The following KCNAB1 variants were observed in gnomAD, a reference collection of about 807,000 sequenced individuals.
The protein encoded by KCNAB1 is potassium voltage-gated channel subfamily A regulatory beta subunit 1.
A neutral mutation model predicts 64.6 loss-of-function variants in KCNAB1; 35 were observed. That is an observed-to-expected ratio of 0.54 (90% CI 0.41 to 0.72). The LOEUF (loss-of-function observed/expected upper bound fraction) is 0.72. KCNAB1 is among the 30% of genes least tolerant of loss of function. The pLI is 0.00. For synonymous variants in KCNAB1, 177 were observed against 183.8 expected (o/e 0.96, Z 0.30); for missense variants, 401 against 512.9 (o/e 0.78, Z 2.11).
intron 1 of KCNAB1, among the ~76,000 whole-genome samples, chr3:156,242,307 C>G (rs562745779): frequency 6.6e-6 from 1 of 151,974 alleles, no homozygotes; most frequent in South Asian, 2.1e-4. Flanking sequence ...TTTTTTATTT[C>G]CCTAAGTTTT....
intron 1 of KCNAB1, among the ~76,000 whole-genome samples, chr3:156,161,772 T>A (rs1235662052): frequency 6.6e-6 from 1 of 152,222 alleles, no homozygotes; most frequent in African/African-American, 2.4e-5. Flanking sequence ...TACAAAATAC[T>A]TAAGTATGTG....
intron 1 of KCNAB1, among the ~76,000 whole-genome samples, chr3:156,286,057 T>C (rs1476074251): frequency 1.3e-5 from 2 of 152,358 alleles, no homozygotes; most frequent in African/African-American, 4.8e-5. Context: ...TCAGAGTTTC[T>C]CAGTGGAGGT....
At chr3:156,285,794 C>T (rs964622451) in intron 1 of KCNAB1, among the ~76,000 whole-genome samples, 10 of 152,190 alleles carry the variant, frequency 6.6e-5, no homozygotes, top group East Asian at 1.9e-4. Flanking sequence ...TATGAGCCAC[C>T]GCACCCGGTC....
chr3:156,338,242 A>G (rs1723848380), intron 1 of KCNAB1, among the ~76,000 whole-genome samples: 1 of 147,442 alleles, frequency 6.8e-6, no homozygotes, highest in Admixed American at 7.0e-5. Flanking sequence ...TTTTAGGTTG[A>G]AAACAGTGGC....
At chr3:156,373,325 G>A (rs1726443912) in intron 1 of KCNAB1, among the ~76,000 whole-genome samples, 1 of 152,196 alleles carries the variant, frequency 6.6e-6, no homozygotes, top group African/African-American at 2.4e-5. Context: ...CAGGGTATAT[G>A]AAATCTAGAC....
chr3:156,194,390 T>C (rs533451974), intron 1 of KCNAB1, among the ~76,000 whole-genome samples: 4 of 152,278 alleles, frequency 2.6e-5, no homozygotes, highest in Admixed American at 2.6e-4. Flanking sequence ...TTCCTTTTGG[T>C]ACTTCCACTA....
chr3:156,477,923 C>T (rs1352609999), intron 8 of KCNAB1, among the ~76,000 whole-genome samples: 1 of 152,096 alleles, frequency 6.6e-6, no homozygotes, highest in Non-Finnish European at 1.5e-5. Context: ...TTTTGTAACT[C>T]ATACAGTGTG....
At chr3:156,278,333 T>C (rs1252560459) in intron 1 of KCNAB1, among the ~76,000 whole-genome samples, 2 of 152,310 alleles carry the variant, frequency 1.3e-5, no homozygotes, top group East Asian at 3.9e-4. Context: ...TGTGGGAAGC[T>C]CCTCCAGAGT....
At chr3:156,515,018 A>T (rs1353296384) in intron 9 of KCNAB1, 82 bp from the exon 10 acceptor site, 6 of 1,381,266 alleles carry the variant, frequency 4.3e-6, no homozygotes, top group Non-Finnish European at 5.8e-6. Flanking sequence ...TCACCAAAGT[A>T]AACATTTCTC....
At chr3:156,445,994 A>T (rs1711518324) in intron 2 of KCNAB1, 4 of 152,228 alleles carry the variant, frequency 2.6e-5, no homozygotes, top group Non-Finnish European at 2.9e-5. Context: ...AAGAGAACCT[A>T]AAAAATTCTA....
rs564506846 is a variant in KCNAB1, at chr3:156,345,130, T to C, written c.276-76486T>C. ...TCAAGAGGCTTCGTAATTTCCCTTT[T>C]CCTAGTGACAAAGGTGAAAAACTGA... On this transcript the variant is annotated intron_variant, in intron 1 of 13. Coordinates refer to ENST00000490337, the MANE Select transcript of KCNAB1 (RefSeq NM_172160.3). Among the ~76,000 whole-genome samples the C allele has an allele frequency of 2.0e-5, 3 of 152,350 alleles. No homozygotes were observed. The East Asian group carries it at 5.8e-4, about 29-fold the overall frequency.
chr3:156,502,146 A>G (rs1716488606), intron 8 of KCNAB1, among the ~76,000 whole-genome samples: 1 of 152,108 alleles, frequency 6.6e-6, no homozygotes, highest in Non-Finnish European at 1.5e-5. Context: ...TCCAACCAAA[A>G]TCCTTCCAAG....
chr3:156,509,240 T>A (rs1717024266), intron 8 of KCNAB1, among the ~76,000 whole-genome samples: 1 of 152,228 alleles, frequency 6.6e-6, no homozygotes, highest in East Asian at 1.9e-4. Flanking sequence ...TCCATTGAAA[T>A]GGCTTACTTG....
At chr3:156,486,666 G>A (rs1425809269) in intron 8 of KCNAB1, among the ~76,000 whole-genome samples, 1 of 152,094 alleles carries the variant, frequency 6.6e-6, no homozygotes, top group African/African-American at 2.4e-5. Context: ...TCCTGTGTGG[G>A]GTCTTCTTGA....
In KCNAB1 at chr3:156,271,856, T is replaced by C. The variant is rs193048135; in HGVS notation, c.276-149760T>C. On this transcript the variant is annotated intron_variant, in intron 1 of 13. Coordinates refer to ENST00000490337, the MANE Select transcript of KCNAB1 (RefSeq NM_172160.3). Reference sequence around the variant, plus strand: ...TTCTTGGGAAGGCTTTCCAGGTATTTAAAGAGTCTTAGGTGTTGTGATCTA... The same window carrying C: ...TTCTTGGGAAGGCTTTCCAGGTATTCAAAGAGTCTTAGGTGTTGTGATCTA... Among the ~76,000 whole-genome samples, 3 of 152,322 alleles carry C rather than the reference T, an allele frequency of 2.0e-5. No individual in the cohort carries two copies. The East Asian group carries it at 5.8e-4, about 29-fold the overall frequency.
intron 2 of KCNAB1, among the ~76,000 whole-genome samples, chr3:156,427,361 G>C (rs1368135913): frequency 6.6e-6 from 1 of 152,172 alleles, no homozygotes; most frequent in African/African-American, 2.4e-5. Context: ...TTGTCATTGA[G>C]ATCACCTGGA....
intron 7 of KCNAB1, among the ~76,000 whole-genome samples, chr3:156,474,067 C>T (rs541933617): frequency 1.8e-4 from 27 of 152,204 alleles, no homozygotes; most frequent in African/African-American, 5.1e-4. Context: ...CTTCATATTA[C>T]GTCTTCAGTC....
chr3:156,273,014 G>A, intron 1 of KCNAB1, among the ~76,000 whole-genome samples: 1 of 152,070 alleles, frequency 6.6e-6, no homozygotes, highest in Non-Finnish European at 1.5e-5. Flanking sequence ...CTGGAAGCTA[G>A]GTCCCGGAAA....
In KCNAB1 at chr3:156,389,513, GT is replaced by G. The variant is rs535197526; in HGVS notation, c.276-32100del. Reference sequence around the variant, plus strand: ...AGATCCCATGTACAGGAAGAGATCTGTTTATGGCAGTGATTCTCCAAGTGTG... The same window carrying G: ...AGATCCCATGTACAGGAAGAGATCTGTTATGGCAGTGATTCTCCAAGTGTG... On this transcript the variant is annotated intron_variant, in intron 1 of 13. Coordinates refer to ENST00000490337, the MANE Select transcript of KCNAB1 (RefSeq NM_172160.3). 6.6e-5 allele frequency among the ~76,000 whole-genome samples: 10 copies of G among 152,310 alleles called. No homozygotes were observed. In the South Asian group the frequency reaches 1.7e-3, roughly 25 times the overall value.
Sources: allele counts gnomAD v4.1 joint callset (sites outside exome capture counted in the v4.1 genomes callset), GRCh38; gene constraint gnomAD v4.1.1; transcripts MANE v1.5; gene names NCBI Gene and HGNC (gene_info 2026-07-23, HGNC 2026-07-21).